The following HADH variants were observed in gnomAD, a reference collection of about 807,000 sequenced individuals.
HADH encodes hydroxyacyl-CoA dehydrogenase, also known as hydroxyacyl-coenzyme A dehydrogenase, mitochondrial.
HADH carries 24 observed loss-of-function variants against 32.2 expected under a neutral mutation model. The observed-to-expected ratio is 0.75, with a 90% CI of 0.54 to 1.05. The LOEUF (loss-of-function observed/expected upper bound fraction) is 1.05, where lower values mean the gene tolerates loss of function less well. Among genes scored for constraint, HADH ranks in the 50% least tolerant of loss-of-function variants. The pLI is 0.00. For missense variants in HADH, 350 were observed against 397.1 expected (o/e 0.88, Z 1.01); for synonymous variants, 139 against 152.5 (o/e 0.91, Z 0.65).
At position 108,034,456 on chromosome 4, in the gene HADH, C is replaced by A. The variant is rs2126242575; in HGVS notation, c.*99C>A. On this transcript the variant is annotated 3_prime_UTR_variant, in exon 8 of 8. Coordinates refer to ENST00000309522, the MANE Select transcript of HADH (RefSeq NM_005327.7). The stretch of plus-strand genomic sequence containing the variant: ...TGCTCTTTGGTCAGACATTCCCTCA[C>A]ACAGTACAGTTTAATAAATGTGCAT... The A allele has an allele frequency of 1.3e-6, 1 of 780,522 alleles. No homozygotes were observed. 48.3% of individuals were successfully genotyped at this position (780,522 alleles called of 1,614,324 possible).
At position 108,019,573 on chromosome 4, in the gene HADH, G is replaced by A; in HGVS notation, c.453G>A (p.Leu151=). ...HTIFASNTSS[L]QITSIANATT... ...TCTTTGCCAGCAACACTTCCTCCTTGCAGATTACAAGCATAGCTAATGCCA... is the reference window on the plus strand; with the variant it reads ...TCTTTGCCAGCAACACTTCCTCCTTACAGATTACAAGCATAGCTAATGCCA... Residue 151 remains leucine, a synonymous_variant, in exon 4 of 8, where the codon TTG becomes TTA. Transcript: ENST00000309522. 1 of 1,613,764 alleles carries A rather than the reference G, an allele frequency of 6.2e-7. No individual in the cohort carries two copies. The highest frequency in any genetic ancestry group is 8.5e-7 in the Non-Finnish European group (1 of 1,179,688).
intron 6 of HADH, chr4:108,032,851 G>A (rs1325329645): frequency 3.2e-5 from 12 of 377,454 alleles, no homozygotes; most frequent in Admixed American, 1.1e-4. Flanking sequence ...GTGTGGGGGC[G>A]CACACCTGTA....
intron 1 of HADH, among the ~76,000 whole-genome samples, chr4:107,991,309 T>C (rs1734798082): frequency 6.6e-6 from 1 of 152,244 alleles, no homozygotes; most frequent in Non-Finnish European, 1.5e-5. Flanking sequence ...GGGACAGTAC[T>C]ACTGTGGCTA....
intron 5 of HADH, chr4:108,025,951 T>C (rs1578263040): frequency 6.6e-6 from 1 of 152,242 alleles, no homozygotes; most frequent in Non-Finnish European, 1.5e-5. Flanking sequence ...GCATTCTCAA[T>C]AGCATCAAAT....
intron 7 of HADH, among the ~76,000 whole-genome samples, chr4:108,033,837 A>G (rs1270153479): frequency 2.6e-5 from 4 of 152,270 alleles, no homozygotes; most frequent in Admixed American, 2.6e-4. Context: ...TTTGAATCTT[A>G]TGTGGATGCA....
At chr4:108,002,181 G>C (rs1416172806) in intron 1 of HADH, among the ~76,000 whole-genome samples, 2 of 152,132 alleles carry the variant, frequency 1.3e-5, no homozygotes, top group East Asian at 3.9e-4. Context: ...CCCAACTTCT[G>C]GTCCGTGGCC....
chr4:108,010,481 C>G (rs763432), intron 2 of HADH, among the ~76,000 whole-genome samples: 114,745 of 151,974 alleles, frequency 0.76, 45,879 homozygotes, highest in East Asian at 0.96. Context: ...GCACAAATCA[C>G]CCAAACAAAT....
At chr4:108,014,073 T>C (rs1179050879) in intron 2 of HADH, among the ~76,000 whole-genome samples, 2 of 152,204 alleles carry the variant, frequency 1.3e-5, no homozygotes, top group Non-Finnish European at 2.9e-5. Context: ...ACAGGCTCTT[T>C]GGCAGCAGAG....
At chr4:108,022,691 T>C (rs1176587136) in intron 4 of HADH, among the ~76,000 whole-genome samples, 1 of 152,242 alleles carries the variant, frequency 6.6e-6, no homozygotes, top group Non-Finnish European at 1.5e-5. Flanking sequence ...AACCATCATA[T>C]ACTTCCAGAC....
intron 6 of HADH, chr4:108,032,498 T>TA (rs1367032927): frequency 1.7e-6 from 1 of 584,228 alleles, no homozygotes; most frequent in African/African-American, 1.8e-5. Context: ...GCAGAAAGCT[T>TA]AGTTTTCTTT....
intron 6 of HADH, chr4:108,032,475 T>A: frequency 1.6e-6 from 1 of 642,356 alleles, no homozygotes; most frequent in Non-Finnish European, 2.9e-6. Flanking sequence ...ATACAATAAC[T>A]ATACATACAA....
chr4:108,017,357 G>T (rs964727598), intron 3 of HADH, among the ~76,000 whole-genome samples: 6 of 152,214 alleles, frequency 3.9e-5, no homozygotes, highest in Middle Eastern at 3.4e-3. Flanking sequence ...ACAGACTCTT[G>T]AATCCTTTGC....
At chr4:108,022,419 G>C (rs919326528) in intron 4 of HADH, among the ~76,000 whole-genome samples, 14 of 152,260 alleles carry the variant, frequency 9.2e-5, no homozygotes, top group African/African-American at 3.1e-4. Flanking sequence ...GCCCTTGCCT[G>C]TACCTCACAG....
intron 4 of HADH, among the ~76,000 whole-genome samples, chr4:108,022,364 G>A (rs926654525): frequency 6.6e-6 from 1 of 152,066 alleles, no homozygotes; most frequent in East Asian, 1.9e-4. Context: ...GCCGGGCATC[G>A]TGCTTGGTGC....
At chr4:108,023,836 C>G (rs113603313) in intron 5 of HADH, 10 of 420,714 alleles carry the variant, frequency 2.4e-5, no homozygotes, top group African/African-American at 1.0e-4. Context: ...CGGGACTGCT[C>G]TCTGTCCTGG....
rs548326027 is a variant in HADH at position 108,008,402 on chromosome 4, A to G, written c.133-1357A>G. On this transcript the variant is annotated intron_variant, in intron 1 of 7. Coordinates refer to ENST00000309522, the MANE Select transcript of HADH (RefSeq NM_005327.7). ...TGAGCCCACTGTGTGCTGCTTTCTC[A>G]GGGAGCCATGAGTGCAGTTGAAATA... Among the ~76,000 whole-genome samples the G allele has an allele frequency of 5.9e-5, 9 of 152,330 alleles. No individual in the cohort carries two copies. In the South Asian group the frequency reaches 1.4e-3, roughly 25 times the overall value.
At chr4:108,008,814 G>A (rs1735376517) in intron 1 of HADH, among the ~76,000 whole-genome samples, 1 of 152,204 alleles carries the variant, frequency 6.6e-6, no homozygotes, top group Non-Finnish European at 1.5e-5. Context: ...CTTGCTTCTG[G>A]CCTGAACTAA....
chr4:108,026,850 A>C (rs529698762), intron 5 of HADH: 2 of 152,374 alleles, frequency 1.3e-5, no homozygotes, highest in South Asian at 4.1e-4. Flanking sequence ...TCAACAAAAA[A>C]ATCACCTGCT....
In HADH at chr4:107,990,108, A is replaced by G. The variant is rs752625929; in HGVS notation, c.132+44A>G. On this transcript the variant is annotated intron_variant, in intron 1 of 7. Transcript: ENST00000309522. ...AGCGTGCCCACGCGCTTGGCCGCCC[A>G]CCCTGAGGTGGAAGCTCTGGCGCGA... The G allele has an allele frequency of 7.0e-6, 11 of 1,570,544 alleles. No individual in the cohort carries two copies. The Admixed American group carries it at 2.0e-4, about 28-fold the overall frequency.
Sources: gnomAD v4.1 joint callset for allele counts (sites outside exome capture counted in the v4.1 genomes callset) on GRCh38, gnomAD v4.1.1 for gene constraint, MANE v1.5 for transcripts, NCBI Gene and HGNC (gene_info 2026-07-23, HGNC 2026-07-21) for gene names.